SPSB4: variants seen among roughly 807,000 people sequenced by gnomAD.
SPSB4 encodes the protein SPRY domain-containing SOCS box protein 4.
SPSB4 carries 21 observed loss-of-function variants against 20.9 expected under a neutral mutation model. That is an observed-to-expected ratio of 1.01 (90% confidence interval 0.71 to 1.45). The LOEUF is 1.45. SPSB4 is among the 40% of genes most tolerant of loss of function. SPSB4 has a pLI of 0.00. For synonymous variants in SPSB4, 207 were observed against 183.8 expected (o/e 1.13, Z -1.02); for missense variants, 399 against 399.2 (o/e 1.00, Z 0.00).
At chr3:141,093,108 T>A (rs770844085) in intron 2 of SPSB4, among the ~76,000 whole-genome samples, 1 of 151,700 alleles carries the variant, frequency 6.6e-6, no homozygotes, top group Non-Finnish European at 1.5e-5. Context: ...TATACCTGGA[T>A]GGGATGGGAA....
intron 2 of SPSB4, among the ~76,000 whole-genome samples, chr3:141,085,529 C>T (rs112416426): frequency 2.8e-3 from 422 of 152,310 alleles, no homozygotes; most frequent in Non-Finnish European, 4.9e-3. Flanking sequence ...AAGGAGGGCA[C>T]GTGACTCATC....
chr3:141,089,859 A>C (rs955174556), intron 2 of SPSB4, among the ~76,000 whole-genome samples: 32 of 152,158 alleles, frequency 2.1e-4, no homozygotes, highest in African/African-American at 7.7e-4. Context: ...AGCTAGGGTG[A>C]CCTTGGGAAA....
chr3:141,136,055 T>C (rs1371163654), intron 2 of SPSB4, among the ~76,000 whole-genome samples: 1 of 152,220 alleles, frequency 6.6e-6, no homozygotes, highest in African/African-American at 2.4e-5. Flanking sequence ...TGAGATGGTA[T>C]CTCATTGTGG....
At chr3:141,058,112 C>G (rs1436686493) in intron 1 of SPSB4, among the ~76,000 whole-genome samples, 1 of 152,204 alleles carries the variant, frequency 6.6e-6, no homozygotes, top group African/African-American at 2.4e-5. Context: ...CACTACCAAT[C>G]CCCACAGCAG....
rs191450496 is a variant in SPSB4, at chr3:141,127,747, C to T, written c.695-19395C>T. The stretch of plus-strand genomic sequence containing the variant: ...ACAGGCTGGAGAAGGAAGGCGAGGC[C>T]ACTCTGCCAGCTGGTGGCTGAGACT... On this transcript the variant is annotated intron_variant, in intron 2 of 2. Coordinates refer to ENST00000310546, the MANE Select transcript of SPSB4 (RefSeq NM_080862.3). Among the ~76,000 whole-genome samples the T allele has an allele frequency of 1.4e-4, 21 of 152,356 alleles. 1 individual carries two copies. Among genetic ancestry groups the T allele is most frequent in the Admixed American group, 1.3e-3 (20 of 15,312 alleles).
intron 2 of SPSB4, among the ~76,000 whole-genome samples, chr3:141,116,143 G>A (rs1938876565): frequency 6.6e-6 from 1 of 152,212 alleles, no homozygotes; most frequent in South Asian, 2.1e-4. Flanking sequence ...GGAGTCAACT[G>A]TGCCAGTTAG....
chr3:141,092,790 C>T (rs887496273), intron 2 of SPSB4, among the ~76,000 whole-genome samples: 9 of 152,214 alleles, frequency 5.9e-5, no homozygotes, highest in Non-Finnish European at 4.4e-5. Flanking sequence ...TCCTATATGG[C>T]AGTGCACGCT....
At chr3:141,125,413 CT>C (rs1939036564) in intron 2 of SPSB4, among the ~76,000 whole-genome samples, 1 of 152,226 alleles carries the variant, frequency 6.6e-6, no homozygotes. Context: ...GTCAGGGCAG[CT>C]CTGTGCCTTC....
intron 2 of SPSB4, among the ~76,000 whole-genome samples, chr3:141,124,986 G>T (rs1457286558): frequency 6.6e-6 from 1 of 152,190 alleles, no homozygotes; most frequent in Non-Finnish European, 1.5e-5. Flanking sequence ...GAGGGTCCCA[G>T]ACAAGAATCG....
At chr3:141,090,810 A>T (rs1471765662) in intron 2 of SPSB4, among the ~76,000 whole-genome samples, 5 of 152,232 alleles carry the variant, frequency 3.3e-5, no homozygotes, top group Non-Finnish European at 7.3e-5. Flanking sequence ...TAGACCGTAG[A>T]GGGGCCAGGG....
intron 2 of SPSB4, among the ~76,000 whole-genome samples, chr3:141,104,746 C>T (rs887793522): frequency 5.3e-5 from 8 of 152,206 alleles, no homozygotes; most frequent in Admixed American, 2.6e-4. Context: ...TTTGTGGCCC[C>T]GGTTTACGAA....
intron 1 of SPSB4, among the ~76,000 whole-genome samples, chr3:141,056,710 C>T (rs1259728156): frequency 6.6e-6 from 1 of 152,254 alleles, no homozygotes; most frequent in Non-Finnish European, 1.5e-5. Flanking sequence ...CCCATCTTCT[C>T]CCTTCATGCT....
intron 2 of SPSB4, among the ~76,000 whole-genome samples, chr3:141,114,500 G>A (rs553108342): frequency 6.6e-6 from 1 of 152,314 alleles, no homozygotes; most frequent in South Asian, 2.1e-4. Flanking sequence ...TTTCCTCACT[G>A]TGAAGTAACA....
At chr3:141,060,539 G>A (rs1283509670) in intron 1 of SPSB4, among the ~76,000 whole-genome samples, 1 of 152,208 alleles carries the variant, frequency 6.6e-6, no homozygotes, top group Non-Finnish European at 1.5e-5. Flanking sequence ...CTGAGCCCGG[G>A]CTGCTATTGC....
chr3:141,122,134 T>A (rs748289757), intron 2 of SPSB4, among the ~76,000 whole-genome samples: 2 of 152,212 alleles, frequency 1.3e-5, no homozygotes, highest in African/African-American at 4.8e-5. Flanking sequence ...TTGATGCTAT[T>A]CCTTTCGGTT....
intron 2 of SPSB4, among the ~76,000 whole-genome samples, chr3:141,102,644 T>G: frequency 6.6e-6 from 1 of 152,000 alleles, no homozygotes; most frequent in East Asian, 1.9e-4. Context: ...GCAGGGAGCA[T>G]GGCAGGAAAA....
In SPSB4 at chr3:141,147,368, T is replaced by C. The variant is rs978854825; in HGVS notation, c.*99T>C. The C allele has an allele frequency of 2.6e-6, 4 of 1,546,538 alleles. No individual in the cohort carries two copies. In the Middle Eastern group the frequency reaches 5.2e-4, roughly 201 times the overall value. ...GGCACATAGGGGAAAGGATCTACCC[T>C]TCTCCTGGCTCCCCAGGACACTCAG... On this transcript the variant is annotated 3_prime_UTR_variant, in exon 3 of 3. Transcript: ENST00000310546.
intron 2 of SPSB4, among the ~76,000 whole-genome samples, chr3:141,088,058 C>G (rs1297042591): frequency 6.6e-6 from 1 of 152,066 alleles, no homozygotes; most frequent in South Asian, 2.1e-4. Context: ...CCGCAGTGTG[C>G]TGTGGGGTGG....
chr3:141,112,472 C>T (rs1000351818), intron 2 of SPSB4, among the ~76,000 whole-genome samples: 25 of 150,498 alleles, frequency 1.7e-4, no homozygotes, highest in Non-Finnish European at 3.1e-4. Flanking sequence ...GGTGAAACCC[C>T]GTCTCTACTA....
Sources: gnomAD v4.1 joint callset for allele counts (sites outside exome capture counted in the v4.1 genomes callset) on GRCh38, gnomAD v4.1.1 for gene constraint, MANE v1.5 for transcripts, NCBI Gene and HGNC (gene_info 2026-07-23, HGNC 2026-07-21) for gene names.